CERS2: variants seen among roughly 807,000 people sequenced by gnomAD.
CERS2 encodes the protein LAG1 homolog, ceramide synthase 2.
CERS2 carries 20 observed loss-of-function variants against 56.6 expected under a neutral mutation model. That is an observed-to-expected ratio of 0.35 (90% CI 0.25 to 0.51). The LOEUF (loss-of-function observed/expected upper bound fraction) is 0.51, where lower values mean the gene tolerates loss of function less well. Among genes scored for constraint, CERS2 ranks in the 20% least tolerant of loss-of-function variants. The pLI is 0.96. For synonymous variants in CERS2, 187 were observed against 175.4 expected (o/e 1.07, Z -0.52); for missense variants, 361 against 488.6 (o/e 0.74, Z 2.46).
chr1:150,966,980 ATCC>A, intron 8 of CERS2, 91 bp downstream of exon 8: 1 of 1,514,752 alleles, frequency 6.6e-7, no homozygotes, highest in South Asian at 1.1e-5. Context: ...CAGGAATGTC[ATCC>A]TCCAAATTCC....
In CERS2 at chr1:150,967,726, T is replaced by G. The variant is rs752826221; in HGVS notation, c.469-12A>C. ...TAGAACCAGGGTTTCTGCAGAGAGA[T>G]GGTGAGAAGTTAAAAGAGGAGGAAC... On this transcript the variant is annotated splice_polypyrimidine_tract_variant and intron_variant, in intron 5 of 10. Coordinates refer to ENST00000368954, the MANE Select transcript of CERS2 (RefSeq NM_022075.5). 2.5e-6 allele frequency: 4 copies of G among 1,613,764 alleles called. No individual in the cohort carries two copies. Among genetic ancestry groups the G allele is most frequent in the Admixed American group, 1.7e-5 (1 of 60,012 alleles).
chr1:150,972,266 T>TG (rs370565791), intron 1 of CERS2, among the ~76,000 whole-genome samples: 1 of 152,320 alleles, frequency 6.6e-6, no homozygotes, highest in Middle Eastern at 3.4e-3. Context: ...CAGCCCTCCC[T>TG]GGTGGTCCTG....
Position 150,967,356 on chromosome 1 carries a change from G to T in CERS2, c.612+36C>A. The T allele has an allele frequency of 2.1e-6, 3 of 1,456,194 alleles. No individual in the cohort carries two copies. In the South Asian group the frequency reaches 3.4e-5, roughly 17 times the overall value. 90.2% of individuals were successfully genotyped at this position (1,456,194 alleles called of 1,614,324 possible). On this transcript the variant is annotated intron_variant, in intron 7 of 10. Coordinates refer to ENST00000368954, the MANE Select transcript of CERS2 (RefSeq NM_022075.5). ...GGTGTTCATCCCAGGGCCTCATTTT[G>T]GCTCTGAGGCTTAATTGCACAACCC...
rs754799939 is a variant in CERS2, at chr1:150,968,398, C to T, written c.288G>A (p.Lys96=). The T allele has an allele frequency of 1.9e-6, 3 of 1,612,930 alleles. No individual in the cohort carries two copies. In the African/African-American group the frequency reaches 4.0e-5, roughly 22 times the overall value. ...CAGAGCAGCATGCGGCTCATACCTG[C>T]TTGGGCTGCTTGCCACTGGTCAGGT... ...HFYLTSGKQP[K]QVEVELLSRQ... Residue 96 remains lysine, a synonymous_variant, in exon 3 of 11, where the codon AAG becomes AAA. Transcript: ENST00000368954.
At chr1:150,969,798 C>T (rs929014146) in intron 1 of CERS2, among the ~76,000 whole-genome samples, 3 of 152,126 alleles carry the variant, frequency 2.0e-5, no homozygotes, top group Non-Finnish European at 2.9e-5. Flanking sequence ...ACTCTGGCCA[C>T]TTCCTCGAGC....
chr1:150,971,785 G>A, intron 1 of CERS2: 1 of 464,990 alleles, frequency 2.2e-6, no homozygotes, highest in South Asian at 1.6e-5. Context: ...TGTGCACATG[G>A]CCCCCTCTTC....
intron 1 of CERS2, among the ~76,000 whole-genome samples, chr1:150,973,641 GCGGTCATCC>G (rs1671238430): frequency 1.3e-5 from 2 of 152,202 alleles, no homozygotes; most frequent in Non-Finnish European, 2.9e-5. Flanking sequence ...ACACCCCGGT[GCGGTCATCC>G]CGACTCCGGT....
intron 10 of CERS2, 46 bp downstream of exon 10, chr1:150,966,430 A>T (rs1671018105): frequency 1.2e-6 from 2 of 1,607,124 alleles, no homozygotes; most frequent in South Asian, 2.2e-5. Context: ...GAGTTCAGGA[A>T]GTTGTAGAGA....
chr1:150,968,041 G>A, intron 4 of CERS2, 42 bp downstream of exon 4: 1 of 1,567,406 alleles, frequency 6.4e-7, no homozygotes, highest in Non-Finnish European at 8.8e-7. Flanking sequence ...AGACACATCA[G>A]GATATTCCTT....
intron 6 of CERS2, 39 bp from the exon 7 acceptor site, chr1:150,967,523 G>T: frequency 7.1e-7 from 1 of 1,414,200 alleles, no homozygotes; most frequent in Non-Finnish European, 1.0e-6. Flanking sequence ...CCAGCCGCAA[G>T]GGTGTCCCCA....
At chr1:150,967,572 TC>T (rs1671060615) in intron 6 of CERS2, 88 bp from the exon 7 acceptor site, 1 of 1,438,110 alleles carries the variant, frequency 7.0e-7, no homozygotes, top group African/African-American at 1.4e-5. Flanking sequence ...CTTCATTCCA[TC>T]ACTCTAATCC....
Position 150,967,170 on chromosome 1 carries a change from G to A in CERS2, c.645C>T (p.Ala215=). 6.2e-7 allele frequency: 1 copy of A among 1,613,726 alleles called. No individual in the cohort carries two copies. Reference sequence around the variant, plus strand: ...AGGAAAAGCTGATGAGAATGATGGTGGCCACATGGTGGATGATCTGTTCCT... The same window carrying A: ...AGGAAAAGCTGATGAGAATGATGGTAGCCACATGGTGGATGATCTGTTCCT... The part of the protein sequence containing the change: ...DFKEQIIHHV[A]TIILISFSWF... Residue 215 remains alanine (A), a synonymous_variant, in exon 8 of 11, where the codon GCC becomes GCT. Coordinates refer to ENST00000368954, the MANE Select transcript of CERS2 (RefSeq NM_022075.5).
chr1:150,971,233 AAG>A (rs1229729829), intron 1 of CERS2, among the ~76,000 whole-genome samples: 11 of 152,174 alleles, frequency 7.2e-5, no homozygotes, highest in African/African-American at 2.7e-4. Flanking sequence ...ACAGGAAGAA[AAG>A]AGAGTGGTGA....
Position 150,968,528 on chromosome 1 carries a change from G to A in CERS2, c.174-16C>T, listed in dbSNP as rs200256068. 2.7e-4 allele frequency: 420 copies of A among 1,572,736 alleles called. 6 individuals are homozygous for A. Among genetic ancestry groups the A allele is most frequent in the Admixed American group, 4.5e-4 (27 of 59,932 alleles). On this transcript the variant is annotated splice_polypyrimidine_tract_variant and intron_variant, in intron 2 of 10. Coordinates refer to ENST00000368954, the MANE Select transcript of CERS2 (RefSeq NM_022075.5). Reference sequence around the variant, plus strand: ...AGCCACGTACCTGGGGAAGGGATATGAGTAAGGTATCTAGCTTGCTGGGAA... The same window carrying A: ...AGCCACGTACCTGGGGAAGGGATATAAGTAAGGTATCTAGCTTGCTGGGAA...
Position 150,966,636 on chromosome 1 carries a change from A to G in CERS2, c.849-7T>C. 1 of 1,613,912 alleles carries G rather than the reference A, an allele frequency of 6.2e-7. No individual in the cohort carries two copies. The highest frequency in any genetic ancestry group is 8.5e-7 in the Non-Finnish European group (1 of 1,179,900). On this transcript the variant is annotated splice_region_variant and splice_polypyrimidine_tract_variant and intron_variant, in intron 9 of 10. Transcript: ENST00000368954. ...CAGGGTGCAATGCAGGATCCTGAGG[A>G]TTCAAGGAGAGAGAGAACGTGGACA...
At chr1:150,967,637 C>A in intron 6 of CERS2, 27 bp downstream of exon 6, 1 of 1,591,898 alleles carries the variant, frequency 6.3e-7, no homozygotes, top group Non-Finnish European at 8.6e-7. Context: ...CTTAGTCCAC[C>A]CCCACATGAG....
At position 150,967,190 on chromosome 1, in the gene CERS2, G is replaced by C; in HGVS notation, c.625C>G (p.Gln209Glu). Residue 209 changes from glutamine (Q) to glutamate (E), a missense_variant, in exon 8 of 11, where the codon CAG (glutamine) becomes GAG (glutamate). Transcript: ENST00000368954. Reference protein sequence around the residue: ...SDVKRKDFKEQIIHHVATIIL... With the variant: ...SDVKRKDFKEEIIHHVATIIL... ...ATGGTGGCCACATGGTGGATGATCTGTTCCTTGAAATCCTGCAGAGATGAT... is the reference window on the plus strand; with the variant it reads ...ATGGTGGCCACATGGTGGATGATCTCTTCCTTGAAATCCTGCAGAGATGAT... 4.3e-6 allele frequency: 7 copies of C among 1,613,958 alleles called. No individual in the cohort carries two copies. The highest frequency in any genetic ancestry group is 5.9e-6 in the Non-Finnish European group (7 of 1,179,822).
At chr1:150,972,744 G>A (rs1385212476) in intron 1 of CERS2, among the ~76,000 whole-genome samples, 1 of 152,198 alleles carries the variant, frequency 6.6e-6, no homozygotes, top group Non-Finnish European at 1.5e-5. Flanking sequence ...AGGCTGGAGA[G>A]GGGCCAGAAG....
intron 10 of CERS2, 76 bp downstream of exon 10, chr1:150,966,400 G>A (rs1158226552): frequency 2.7e-5 from 43 of 1,599,680 alleles, no homozygotes; most frequent in Non-Finnish European, 3.2e-5. Flanking sequence ...TAGTTTTTTA[G>A]AGAGTTACTG....
Sources: gnomAD v4.1 joint callset for allele counts (sites outside exome capture counted in the v4.1 genomes callset) on GRCh38, gnomAD v4.1.1 for gene constraint, MANE v1.5 for transcripts, NCBI Gene and HGNC (gene_info 2026-07-23, HGNC 2026-07-21) for gene names.